MCU: variants seen among roughly 807,000 people sequenced by gnomAD.
MCU encodes calcium uniporter protein, mitochondrial.
In MCU, 12 loss-of-function variants were observed where a neutral mutation model predicts 45.2. That is an observed-to-expected ratio of 0.27 (90% CI 0.17 to 0.43). MCU has a LOEUF of 0.43. Among genes scored for constraint, MCU ranks in the 20% least tolerant of loss-of-function variants. MCU has a pLI of 1.00. For missense variants in MCU, 324 were observed against 436.7 expected (o/e 0.74, Z 2.30); for synonymous variants, 160 against 165.1 (o/e 0.97, Z 0.24).
intron 1 of MCU, among the ~76,000 whole-genome samples, chr10:72,729,132 T>C (rs748293624): frequency 1.4e-4 from 21 of 152,174 alleles, no homozygotes; most frequent in Non-Finnish European, 2.6e-4. Flanking sequence ...CGCTGATCTT[T>C]CCTGTTGAAG....
At chr10:72,720,054 T>G (rs1843000890) in intron 1 of MCU, among the ~76,000 whole-genome samples, 1 of 152,108 alleles carries the variant, frequency 6.6e-6, no homozygotes, top group Non-Finnish European at 1.5e-5. Context: ...TAAATTTTTT[T>G]TTTTGGAGAG....
intron 1 of MCU, among the ~76,000 whole-genome samples, chr10:72,723,409 A>T (rs1843051250): frequency 6.6e-6 from 1 of 152,112 alleles, no homozygotes; most frequent in South Asian, 2.1e-4. Context: ...ATCTTTTATC[A>T]TAGAAATTGA....
chr10:72,717,974 T>G (rs1842974876), intron 1 of MCU, among the ~76,000 whole-genome samples: 1 of 152,198 alleles, frequency 6.6e-6, no homozygotes. Flanking sequence ...ATTATTAACA[T>G]TTTACATTAC....
Position 72,814,808 on chromosome 10 carries a change from T to C in MCU, c.151-19551T>C, listed in dbSNP as rs138970473. Among the ~76,000 whole-genome samples the C allele has an allele frequency of 2.0e-4, 30 of 152,346 alleles. No homozygotes were observed. In the East Asian group the frequency reaches 4.4e-3, roughly 23 times the overall value. On this transcript the variant is annotated intron_variant, in intron 1 of 7. Coordinates refer to ENST00000373053, the MANE Select transcript of MCU (RefSeq NM_138357.3). ...TAGTGTTCTGACATTTAGTTTTTTATAGACTCAAATTATAGATATGATCTG... is the reference window on the plus strand; with the variant it reads ...TAGTGTTCTGACATTTAGTTTTTTACAGACTCAAATTATAGATATGATCTG...
chr10:72,723,596 G>A (rs1843053049), intron 1 of MCU, among the ~76,000 whole-genome samples: 1 of 151,880 alleles, frequency 6.6e-6, no homozygotes, highest in African/African-American at 2.4e-5. Flanking sequence ...ATGACTCAAA[G>A]AAGAAAAAAA....
At chr10:72,797,641 TCTC>T (rs1461668686) in intron 1 of MCU, among the ~76,000 whole-genome samples, 1 of 150,930 alleles carries the variant, frequency 6.6e-6, no homozygotes, top group East Asian at 1.9e-4. Flanking sequence ...TTCAAGCAAT[TCTC>T]CTGCCTCAGC....
chr10:72,853,563 G>A (rs1156518890), intron 2 of MCU, among the ~76,000 whole-genome samples: 1 of 152,174 alleles, frequency 6.6e-6, no homozygotes, highest in African/African-American at 2.4e-5. Context: ...CAGAAGGGTA[G>A]CAGACAGAAA....
intron 1 of MCU, among the ~76,000 whole-genome samples, chr10:72,707,819 C>T (rs565947860): frequency 6.6e-6 from 1 of 151,820 alleles, no homozygotes; most frequent in Non-Finnish European, 1.5e-5. Context: ...ATTAGGTGAA[C>T]CTAAAGGGCT....
At chr10:72,837,006 T>TAAAA (rs1844964810) in intron 2 of MCU, among the ~76,000 whole-genome samples, 1 of 152,210 alleles carries the variant, frequency 6.6e-6, no homozygotes, top group South Asian at 2.1e-4. Context: ...GTATAAGGTC[T>TAAAA]AAAATATCAT....
At chr10:72,810,038 G>A (rs557128574) in intron 1 of MCU, among the ~76,000 whole-genome samples, 75 of 151,824 alleles carry the variant, frequency 4.9e-4, no homozygotes, top group Non-Finnish European at 8.8e-4. Flanking sequence ...GTGTGTGCGC[G>A]TGAACATATG....
At chr10:72,803,844 TA>T (rs919167177) in intron 1 of MCU, among the ~76,000 whole-genome samples, 6 of 151,120 alleles carry the variant, frequency 4.0e-5, no homozygotes, top group African/African-American at 1.5e-4. Context: ...TAATTAAATC[TA>T]AAAATATTAA....
At chr10:72,709,557 T>G (rs931182239) in intron 1 of MCU, among the ~76,000 whole-genome samples, 4 of 152,028 alleles carry the variant, frequency 2.6e-5, no homozygotes, top group Admixed American at 6.5e-5. Flanking sequence ...CACTGCTGAA[T>G]AGACAGGAAA....
rs1258321423 is a variant in MCU, at chr10:72,871,568, A to G, written c.849A>G (p.Val283=). The G allele has an allele frequency of 1.2e-6, 2 of 1,613,488 alleles. No individual in the cohort carries two copies. Among genetic ancestry groups the G allele is most frequent in the Non-Finnish European group, 1.7e-6 (2 of 1,179,456 alleles). ...GSAMAMYAYF[V]MTRQEYVYPE... Reference sequence around the variant, plus strand: ...CCATGGCAATGTATGCATATTTTGTAATGACACGCCAGGTAAGAATTCTCT... The same window carrying G: ...CCATGGCAATGTATGCATATTTTGTGATGACACGCCAGGTAAGAATTCTCT... The change falls in exon 6 of 8, where the codon GTA becomes GTG. Residue 283 remains valine, a synonymous_variant. Transcript: ENST00000373053.
At chr10:72,780,511 AGTGTGTGTGTGT>A (rs60306247) in intron 1 of MCU, among the ~76,000 whole-genome samples, 5 of 110,578 alleles carry the variant, frequency 4.5e-5, no homozygotes, top group Non-Finnish European at 7.4e-5. Flanking sequence ...TCTTTGGCTA[AGTGTGTGTGTGT>A]GTGTGTGTGT....
At chr10:72,751,776 T>C (rs562783551) in intron 1 of MCU, among the ~76,000 whole-genome samples, 10 of 152,184 alleles carry the variant, frequency 6.6e-5, no homozygotes, top group African/African-American at 2.4e-4. Context: ...TCCCTCAGTG[T>C]CATTCATTCA....
At chr10:72,784,617 C>T (rs1420431365) in intron 1 of MCU, among the ~76,000 whole-genome samples, 1 of 152,140 alleles carries the variant, frequency 6.6e-6, no homozygotes, top group Admixed American at 6.5e-5. Flanking sequence ...TCTGTGTATC[C>T]AGTAGCTTCT....
intron 1 of MCU, among the ~76,000 whole-genome samples, chr10:72,797,221 A>ATTCTTTT (rs375904067): frequency 1.2e-5 from 1 of 86,688 alleles, no homozygotes. Flanking sequence ...CTTTTATTTT[A>ATTCTTTT]TTTTATTTTA....
At chr10:72,822,800 C>T (rs1210470264) in intron 1 of MCU, among the ~76,000 whole-genome samples, 1 of 151,602 alleles carries the variant, frequency 6.6e-6, no homozygotes, top group Non-Finnish European at 1.5e-5. Flanking sequence ...TTGACTGTGC[C>T]ACCATACTCA....
At chr10:72,770,577 T>A (rs1237272879) in intron 1 of MCU, among the ~76,000 whole-genome samples, 1 of 152,124 alleles carries the variant, frequency 6.6e-6, no homozygotes, top group Non-Finnish European at 1.5e-5. Context: ...TTACACCTTT[T>A]AAAGACACCA....
Sources: allele counts gnomAD v4.1 joint callset (sites outside exome capture counted in the v4.1 genomes callset), GRCh38; gene constraint gnomAD v4.1.1; transcripts MANE v1.5; gene names NCBI Gene and HGNC (gene_info 2026-07-23, HGNC 2026-07-21).